The following PSD3 variants were observed in gnomAD, a reference collection of about 807,000 sequenced individuals.
PSD3 encodes the protein PH and SEC7 domain-containing protein 3.
A neutral mutation model predicts 105.5 loss-of-function variants in PSD3; 49 were observed. The ratio of observed to expected loss-of-function variants is 0.46; its 90% CI spans 0.37 to 0.59. The LOEUF (loss-of-function observed/expected upper bound fraction) is 0.59. Among genes scored for constraint, PSD3 ranks in the 20% least tolerant of loss-of-function variants. The pLI is 0.00. For synonymous variants in PSD3, 557 were observed against 457.8 expected, an observed-to-expected ratio of 1.22 and a Z score of -2.77; for missense variants, 1,561 against 1,263.8, an observed-to-expected ratio of 1.24 and a Z score of -3.57.
At position 18,985,057 on chromosome 8, in the gene PSD3, C is replaced by T. The variant is rs994383522; in HGVS notation, c.21+28506G>A. On this transcript the variant is annotated intron_variant, in intron 1 of 15. Transcript: ENST00000327040. ...CAAGCGATTCTCGTGTCTCAGTCTC[C>T]GGAGTAGCTGGGATTGCAGGTGCCC... Among the ~76,000 whole-genome samples the T allele has an allele frequency of 6.6e-5, 10 of 152,118 alleles. No individual in the cohort carries two copies. The South Asian group carries it at 1.7e-3, about 25-fold the overall frequency.
intron 2 of PSD3, among the ~76,000 whole-genome samples, chr8:18,927,542 C>T (rs978272600): frequency 6.6e-6 from 1 of 152,182 alleles, no homozygotes; most frequent in Non-Finnish European, 1.5e-5. Flanking sequence ...CTTCATCACA[C>T]AGGAAGGAAT....
At chr8:19,000,009 T>G (rs1826289241) in intron 1 of PSD3, 1 of 150,854 alleles carries the variant, frequency 6.6e-6, no homozygotes, top group African/African-American at 2.4e-5. Flanking sequence ...TTTATTAGAC[T>G]TTCTTTCCCA....
intron 4 of PSD3, among the ~76,000 whole-genome samples, chr8:18,827,809 G>T (rs1813323367): frequency 6.7e-6 from 1 of 148,702 alleles, no homozygotes. Context: ...ATGAAGAAGA[G>T]GGAGGACTCA....
At chr8:19,047,579 G>A (rs1174935658) in intron 1 of PSD3, among the ~76,000 whole-genome samples, 2 of 152,058 alleles carry the variant, frequency 1.3e-5, no homozygotes, top group Non-Finnish European at 2.9e-5. Flanking sequence ...TTGGGGGAGG[G>A]AAACACAATC....
At chr8:18,669,626 C>T (rs1040395003) in intron 9 of PSD3, among the ~76,000 whole-genome samples, 3 of 152,150 alleles carry the variant, frequency 2.0e-5, no homozygotes, top group African/African-American at 4.8e-5. Flanking sequence ...GGATGGCACA[C>T]GACAGTGAGA....
At chr8:18,799,707 T>C (rs1358776688) in intron 7 of PSD3, among the ~76,000 whole-genome samples, 2 of 152,138 alleles carry the variant, frequency 1.3e-5, no homozygotes, top group East Asian at 1.9e-4. Flanking sequence ...CAGACAAGCA[T>C]TGCTTACAAT....
Position 18,535,307 on chromosome 8 carries a change from TA to T in PSD3, c.*435del. 5.7e-6 allele frequency: 1 copy of T among 176,694 alleles called. No individual in the cohort carries two copies. Among genetic ancestry groups the T allele is most frequent in the Non-Finnish European group, 1.2e-5 (1 of 81,392 alleles). The allele number at this position is 176,694 out of a possible 1,614,324, so 10.9% of individuals were successfully genotyped here. On this transcript the variant is annotated 3_prime_UTR_variant, in exon 16 of 16. Coordinates refer to ENST00000327040, the MANE Select transcript of PSD3 (RefSeq NM_015310.4). Reference sequence around the variant, plus strand: ...CTGTGACTGGGCAAGATTTCACATATAAAGGCGTATATTAACTCCAGCTAGA... The same window carrying T: ...CTGTGACTGGGCAAGATTTCACATATAAGGCGTATATTAACTCCAGCTAGA...
At chr8:18,607,028 T>A (rs1191645428) in intron 11 of PSD3, among the ~76,000 whole-genome samples, 2 of 152,222 alleles carry the variant, frequency 1.3e-5, no homozygotes, top group Non-Finnish European at 2.9e-5. Context: ...AAATATTTTC[T>A]AAAGATACAT....
chr8:18,652,176 G>A (rs182115264), intron 10 of PSD3, among the ~76,000 whole-genome samples: 158 of 152,264 alleles, frequency 1.0e-3, no homozygotes, highest in African/African-American at 3.5e-3. Context: ...GACGATGAGC[G>A]CTAAGTGCCA....
chr8:18,774,898 C>G (rs780810853), intron 8 of PSD3: 7 of 456,198 alleles, frequency 1.5e-5, no homozygotes, highest in South Asian at 1.1e-4. Context: ...CTCAAAGATC[C>G]TGAGCCTTAA....
chr8:18,538,435 G>A (rs1010411), intron 15 of PSD3, among the ~76,000 whole-genome samples: 34 of 152,062 alleles, frequency 2.2e-4, no homozygotes, highest in African/African-American at 8.2e-4. Context: ...GATTCTAAAC[G>A]CCTCTTCATT....
intron 11 of PSD3, among the ~76,000 whole-genome samples, chr8:18,609,265 C>T (rs919454018): frequency 7.2e-5 from 11 of 152,198 alleles, no homozygotes; most frequent in African/African-American, 1.7e-4. Flanking sequence ...AGAGTCTTGG[C>T]GTGAAGGCCG....
In PSD3 at chr8:18,670,182, C is replaced by T. The variant is rs571095050; in HGVS notation, c.2173-14497G>A. Among the ~76,000 whole-genome samples the T allele has an allele frequency of 5.5e-4, 83 of 152,256 alleles. No homozygotes were observed. The South Asian group carries it at 8.9e-3, about 16-fold the overall frequency. On this transcript the variant is annotated intron_variant, in intron 9 of 15. Transcript: ENST00000327040. ...TAAGACGTGAGTGACCGGGAGCAGCCACGCACAGGTGTGGGGAGCGAGGTA... is the reference window on the plus strand; with the variant it reads ...TAAGACGTGAGTGACCGGGAGCAGCTACGCACAGGTGTGGGGAGCGAGGTA...
intron 4 of PSD3, among the ~76,000 whole-genome samples, chr8:18,856,706 ACCT>A (rs900832694): frequency 6.6e-6 from 1 of 151,952 alleles, no homozygotes; most frequent in African/African-American, 2.4e-5. Flanking sequence ...CTATCATTAA[ACCT>A]CCTCAGAGTC....
At chr8:18,588,553 T>C (rs1803362638) in intron 12 of PSD3, among the ~76,000 whole-genome samples, 1 of 152,198 alleles carries the variant, frequency 6.6e-6, no homozygotes, top group African/African-American at 2.4e-5. Flanking sequence ...TAACCCATGA[T>C]TCTACTATTC....
At chr8:18,625,689 G>C (rs761488723) in intron 11 of PSD3, among the ~76,000 whole-genome samples, 1 of 152,178 alleles carries the variant, frequency 6.6e-6, no homozygotes, top group South Asian at 2.1e-4. Flanking sequence ...TATTAGTTTG[G>C]TATAATCAGA....
At chr8:18,720,406 T>C in intron 9 of PSD3, among the ~76,000 whole-genome samples, 1 of 152,100 alleles carries the variant, frequency 6.6e-6, no homozygotes, top group East Asian at 1.9e-4. Context: ...AGGAAAAGGG[T>C]ATAATTTTAT....
intron 8 of PSD3, among the ~76,000 whole-genome samples, chr8:18,771,375 T>C (rs2129444355): frequency 6.6e-6 from 1 of 152,300 alleles, no homozygotes; most frequent in South Asian, 2.1e-4. Flanking sequence ...TGAAATCCAG[T>C]TTACCTGTGT....
intron 11 of PSD3, among the ~76,000 whole-genome samples, chr8:18,610,121 T>C (rs1490856752): frequency 2.0e-5 from 3 of 152,254 alleles, no homozygotes; most frequent in African/African-American, 4.8e-5. Context: ...CTTTCTCTTT[T>C]ATAAAAGGAT....
Sources: gnomAD v4.1 joint callset for allele counts (sites outside exome capture counted in the v4.1 genomes callset) on GRCh38, gnomAD v4.1.1 for gene constraint, MANE v1.5 for transcripts, NCBI Gene and HGNC (gene_info 2026-07-23, HGNC 2026-07-21) for gene names.